Variants in USP47 observed in about 807,000 individuals in gnomAD.
USP47 encodes the protein ubiquitin specific peptidase 47, also known as ubiquitin carboxyl-terminal hydrolase 47.
A neutral mutation model predicts 165.1 loss-of-function variants in USP47; 35 were observed. That is an observed-to-expected ratio of 0.21 (90% CI 0.16 to 0.28). The LOEUF is 0.28. Among genes scored for constraint, USP47 ranks in the 10% least tolerant of loss-of-function variants. The probability of loss-of-function intolerance (pLI) is 1.00; values close to 1 mark genes in which losing one functional copy is unlikely to be tolerated. For missense variants in USP47, 1,277 were observed against 1,607.4 expected, an observed-to-expected ratio of 0.79 and a Z score of 3.52; for synonymous variants, 531 against 544.5, an observed-to-expected ratio of 0.98 and a Z score of 0.35.
chr11:11,880,149 TAA>T (rs1174550685), intron 1 of USP47, 26 bp from the exon 2 acceptor site: 6 of 1,414,138 alleles, frequency 4.2e-6, no homozygotes, highest in Non-Finnish European at 5.6e-6. Context: ...AGATAATATA[TAA>T]AGTCATATTT....
chr11:11,936,422 A>G lies in USP47; in HGVS notation c.1989A>G (p.Leu663=), dbSNP rs1298295423. ...EGEEDTPMGL[L]LGGVKSTYMF... ...AAGAAGATACACCAATGGGGCTTCT[A>G]CTAGGTGGCGTCAAGTCAACATATA... Residue 663 remains leucine, a synonymous_variant, in exon 17 of 28, where the codon CTA becomes CTG. Transcript: ENST00000527733. The G allele has an allele frequency of 6.2e-7, 1 of 1,610,216 alleles. No homozygotes were observed. Among genetic ancestry groups the G allele is most frequent in the African/African-American group, 1.3e-5 (1 of 74,720 alleles).
chr11:11,918,209 TGAA>T (rs1394501684), intron 8 of USP47, among the ~76,000 whole-genome samples: 1 of 152,084 alleles, frequency 6.6e-6, no homozygotes, highest in African/African-American at 2.4e-5. Flanking sequence ...AATCTAATAA[TGAA>T]GAACATCAGA....
At chr11:11,883,444 T>C (rs189187547) in intron 2 of USP47, among the ~76,000 whole-genome samples, 45 of 152,304 alleles carry the variant, frequency 3.0e-4, no homozygotes, top group African/African-American at 7.7e-4. Flanking sequence ...GAAATAACTT[T>C]CCAAAGTCAC....
At position 11,960,922 on chromosome 11, in the gene USP47, C is replaced by T. The variant is rs1301463239; in HGVS notation, c.*4747C>T. ...GGCCCCTCCCTTCCCTCTTCAACCT[C>T]ATCCTCCCTCCCCACAGGCCCAGAG... On this transcript the variant is annotated 3_prime_UTR_variant, in exon 28 of 28. Coordinates refer to ENST00000527733, the MANE Select transcript of USP47 (RefSeq NM_001282659.2). Among the ~76,000 whole-genome samples, 1 of 152,176 alleles carries T rather than the reference C, an allele frequency of 6.6e-6. No individual in the cohort carries two copies. Among genetic ancestry groups the T allele is most frequent in the Non-Finnish European group, 1.5e-5 (1 of 68,034 alleles).
chr11:11,924,020 C>G (rs1251558368), intron 11 of USP47, among the ~76,000 whole-genome samples: 4 of 152,224 alleles, frequency 2.6e-5, no homozygotes, highest in African/African-American at 9.6e-5. Flanking sequence ...TCACTGCACT[C>G]TGTGGGACTT....
chr11:11,914,187 T>G (rs1025131884), intron 8 of USP47, among the ~76,000 whole-genome samples: 6 of 152,048 alleles, frequency 3.9e-5, no homozygotes, highest in African/African-American at 1.4e-4. Flanking sequence ...CAAGACTATG[T>G]GATATTGGTA....
intron 2 of USP47, among the ~76,000 whole-genome samples, chr11:11,883,893 G>A (rs1850991453): frequency 6.6e-6 from 1 of 152,072 alleles, no homozygotes; most frequent in Non-Finnish European, 1.5e-5. Flanking sequence ...TTTGAAATAG[G>A]TATCATTTAC....
intron 1 of USP47, among the ~76,000 whole-genome samples, chr11:11,875,374 T>G (rs1375148697): frequency 6.6e-6 from 1 of 152,162 alleles, no homozygotes; most frequent in East Asian, 1.9e-4. Context: ...AATTATGATG[T>G]TATCAGAGAA....
chr11:11,947,157 A>G (rs566951812), intron 20 of USP47, among the ~76,000 whole-genome samples: 1 of 152,360 alleles, frequency 6.6e-6, no homozygotes, highest in South Asian at 2.1e-4. Context: ...CAATAGAAGC[A>G]TTCCAGATGT....
At chr11:11,929,359 A>T in intron 11 of USP47, 75 bp from the exon 12 acceptor site, 1 of 1,552,048 alleles carries the variant, frequency 6.4e-7, no homozygotes, top group South Asian at 1.2e-5. Flanking sequence ...CTGTGTGTTA[A>T]CAGAGAATAG....
chr11:11,936,524 C>A lies in USP47; in HGVS notation c.2077+14C>A. On this transcript the variant is annotated intron_variant, in intron 17 of 27. Coordinates refer to ENST00000527733, the MANE Select transcript of USP47 (RefSeq NM_001282659.2). Reference sequence around the variant, plus strand: ...ATAAACCTGGAGGTGAGCAATTTTACACTATTTTTAGTTGTTCTGTACTTA... The same window carrying A: ...ATAAACCTGGAGGTGAGCAATTTTAAACTATTTTTAGTTGTTCTGTACTTA... 2 of 1,549,478 alleles carry A rather than the reference C, an allele frequency of 1.3e-6. No homozygotes were observed. The highest frequency in any genetic ancestry group is 8.8e-7 in the Non-Finnish European group (1 of 1,141,892).
intron 8 of USP47, among the ~76,000 whole-genome samples, chr11:11,915,585 T>A (rs12284392): frequency 0.078 from 11,857 of 152,176 alleles, 1,390 homozygotes; most frequent in African/African-American, 0.26. Context: ...TTGCAAAATG[T>A]TTCCAGTAAA....
chr11:11,842,356 A>C, intron 1 of USP47, 132 bp downstream of exon 1: 1 of 1,046,722 alleles, frequency 9.6e-7, no homozygotes, highest in Non-Finnish European at 1.4e-6. Flanking sequence ...GGCGTGAGGC[A>C]GTCGGGGGTG....
At chr11:11,875,033 T>TTGTGTGTG (rs57342188) in intron 1 of USP47, among the ~76,000 whole-genome samples, 74 of 95,414 alleles carry the variant, frequency 7.8e-4, no homozygotes, top group South Asian at 1.4e-3. Flanking sequence ...AATTGACTTA[T>TTGTGTGTG]TGTGTGTGTG....
rs908610040 is a variant in USP47 at position 11,954,370 on chromosome 11, A to G, written c.3715-527A>G. Among the ~76,000 whole-genome samples, 7 of 152,224 alleles carry G rather than the reference A, an allele frequency of 4.6e-5. No individual in the cohort carries two copies. The East Asian group carries it at 1.2e-3, about 25-fold the overall frequency. ...CTGCAGCCTCCGCCTCCCGGGTTCA[A>G]GTGATTCTCCTGGTTCAGCCTCCCG... On this transcript the variant is annotated intron_variant, in intron 25 of 27. Coordinates refer to ENST00000527733, the MANE Select transcript of USP47 (RefSeq NM_001282659.2).
chr11:11,843,613 T>G (rs1239654551), intron 1 of USP47, among the ~76,000 whole-genome samples: 2 of 152,252 alleles, frequency 1.3e-5, no homozygotes, highest in Non-Finnish European at 2.9e-5. Context: ...GAGCTTCATA[T>G]TGCTGGTTTT....
intron 1 of USP47, among the ~76,000 whole-genome samples, chr11:11,852,541 A>G (rs917271114): frequency 6.6e-6 from 1 of 152,112 alleles, no homozygotes; most frequent in Non-Finnish European, 1.5e-5. Flanking sequence ...CCTGGAATCA[A>G]CCAGTTCTCC....
intron 1 of USP47, among the ~76,000 whole-genome samples, chr11:11,873,517 ATAT>A (rs1254778343): frequency 3.9e-5 from 6 of 152,104 alleles, no homozygotes; most frequent in African/African-American, 1.4e-4. Context: ...TGGACACAAA[ATAT>A]TATGTGACTT....
intron 8 of USP47, among the ~76,000 whole-genome samples, chr11:11,906,834 C>T (rs1318888011): frequency 6.6e-6 from 1 of 152,100 alleles, no homozygotes; most frequent in African/African-American, 2.4e-5. Context: ...GAAAAACTAA[C>T]ATTTGTCTTT....
Sources: gnomAD v4.1 joint callset for allele counts (sites outside exome capture counted in the v4.1 genomes callset) on GRCh38, gnomAD v4.1.1 for gene constraint, MANE v1.5 for transcripts, NCBI Gene and HGNC (gene_info 2026-07-23, HGNC 2026-07-21) for gene names.